Variants in GNG7 observed in about 807,000 individuals in gnomAD.
GNG7 encodes the protein guanine nucleotide-binding protein G(I)/G(S)/G(O) subunit gamma-7.
GNG7 carries 1 observed loss-of-function variant against 4.0 expected under a neutral mutation model. That is an observed-to-expected ratio of 0.25 (90% confidence interval 0.09 to 1.18). GNG7 has a LOEUF of 1.18. GNG7 is among the 50% of genes most tolerant of loss of function. The pLI is 0.50. For missense variants in GNG7, 86 were observed against 91.9 expected (o/e 0.94, Z 0.26); for synonymous variants, 34 against 36.9 (o/e 0.92, Z 0.29).
rs1972677540 is a variant in GNG7 at position 2,513,022 on chromosome 19, C to T, written c.*2000G>A. The T allele has an allele frequency of 2.0e-6, 2 of 985,360 alleles. No individual in the cohort carries two copies. The highest frequency in any genetic ancestry group is 1.1e-4 in the East Asian group (1 of 8,820). 61.0% of individuals were successfully genotyped at this position (985,360 alleles called of 1,614,324 possible). ...TTGGCGGGTAGGGCTCCCCGAAGCC[C>T]CAGCCCTCCCGGACCTGCCGTAGAG... is the stretch of plus-strand genomic sequence containing the variant. On this transcript the variant is annotated 3_prime_UTR_variant, in exon 5 of 5. Coordinates refer to ENST00000382159, the MANE Select transcript of GNG7 (RefSeq NM_052847.3).
chr19:2,662,359 G>C (rs1390310489), intron 1 of GNG7, among the ~76,000 whole-genome samples: 5 of 151,596 alleles, frequency 3.3e-5, no homozygotes, highest in Non-Finnish European at 5.9e-5. Flanking sequence ...ATTCGATTCA[G>C]TTCAATTCAA....
At chr19:2,620,690 A>G (rs962835719) in intron 2 of GNG7, among the ~76,000 whole-genome samples, 2 of 152,124 alleles carry the variant, frequency 1.3e-5, no homozygotes, top group African/African-American at 4.8e-5. Context: ...TGGGTCGGCC[A>G]GTTAGCTGGG....
chr19:2,559,114 C>T (rs910402619), intron 2 of GNG7, among the ~76,000 whole-genome samples: 2 of 150,272 alleles, frequency 1.3e-5, no homozygotes, highest in African/African-American at 4.9e-5. Flanking sequence ...ATATTCCTTT[C>T]ATAGTCACAA....
chr19:2,534,340 T>A (rs1220128696), intron 3 of GNG7, among the ~76,000 whole-genome samples: 1 of 152,202 alleles, frequency 6.6e-6, no homozygotes, highest in Non-Finnish European at 1.5e-5. Flanking sequence ...TCCTAACAGC[T>A]AGAGTGCGCT....
rs550075368 is a variant in GNG7 at position 2,546,704 on chromosome 19, G to A, written c.-38+8445C>T. On this transcript the variant is annotated intron_variant, in intron 3 of 4. Transcript: ENST00000382159. This position sits in a 1 kb window ranked among gnomAD's most constrained non-coding sequence, Gnocchi z 6.3. Reference sequence around the variant, plus strand: ...CTTGTTCAGACAAAGAGGCCGCGACGACAGAGGGTGACGCGCCGCCAGTGT... The same window carrying A: ...CTTGTTCAGACAAAGAGGCCGCGACAACAGAGGGTGACGCGCCGCCAGTGT... Among the ~76,000 whole-genome samples the A allele has an allele frequency of 5.3e-4, 81 of 152,316 alleles. No individual in the cohort carries two copies. Among genetic ancestry groups the A allele is most frequent in the South Asian group, 1.0e-3 (5 of 4,826 alleles).
chr19:2,659,160 GA>G lies in GNG7; in HGVS notation c.-134-12881del, dbSNP rs536314960. 7.4e-3 allele frequency among the ~76,000 whole-genome samples: 1,126 copies of G among 151,968 alleles called. 9 individuals are homozygous for G. The highest frequency in any genetic ancestry group is 0.011 in the Non-Finnish European group (751 of 67,928). ...AATTTTTTGTATTTTTAGTAGAGAC[GA>G]GGTTTCACCGGGTTAGCCAGGATGG... On this transcript the variant is annotated intron_variant, in intron 1 of 4. Transcript: ENST00000382159.
chr19:2,545,546 G>A (rs1394513114), intron 3 of GNG7, among the ~76,000 whole-genome samples: 1 of 151,438 alleles, frequency 6.6e-6, no homozygotes, highest in Non-Finnish European at 1.5e-5. Context: ...AGCTACTCAG[G>A]AGGCTGAGGC....
At chr19:2,541,349 C>T (rs951031140) in intron 3 of GNG7, among the ~76,000 whole-genome samples, 2 of 151,962 alleles carry the variant, frequency 1.3e-5, no homozygotes, top group African/African-American at 4.8e-5. Flanking sequence ...GAAGCGAAGC[C>T]GAATTTCAGG....
chr19:2,592,942 G>A (rs1980893807), intron 2 of GNG7, among the ~76,000 whole-genome samples: 1 of 139,328 alleles, frequency 7.2e-6, no homozygotes, highest in South Asian at 2.4e-4. Context: ...AAGGAAGGAA[G>A]GAAGGACGGA....
At position 2,668,643 on chromosome 19, in the gene GNG7, G is replaced by A. The variant is rs553372745; in HGVS notation, c.-134-22363C>T. Among the ~76,000 whole-genome samples, 300 of 152,324 alleles carry A rather than the reference G, an allele frequency of 2.0e-3. 2 individuals are homozygous for A. Among genetic ancestry groups the A allele is most frequent in the African/African-American group, 6.6e-3 (275 of 41,562 alleles). On this transcript the variant is annotated intron_variant, in intron 1 of 4. Transcript: ENST00000382159. ...ATGAATGCCTGCTAAGGGTGCAGCC[G>A]CTCCTGGGCTGGAGGAGGGCTGCAG...
intron 4 of GNG7, among the ~76,000 whole-genome samples, chr19:2,515,818 G>A (rs1972727704): frequency 6.6e-6 from 1 of 152,080 alleles, no homozygotes; most frequent in Non-Finnish European, 1.5e-5. Flanking sequence ...AGTGATGGCT[G>A]ATGGGGGACA....
intron 2 of GNG7, among the ~76,000 whole-genome samples, chr19:2,628,733 T>C (rs1237708271): frequency 6.6e-6 from 1 of 150,746 alleles, no homozygotes; most frequent in East Asian, 1.9e-4. Flanking sequence ...CTCTCTGAAT[T>C]TGACACCTCG....
At position 2,514,992 on chromosome 19, in the gene GNG7, G is replaced by C. The variant is rs1427137972; in HGVS notation, c.*30C>G. 2.6e-6 allele frequency: 4 copies of C among 1,567,252 alleles called. No homozygotes were observed. The Admixed American group carries it at 6.7e-5, about 26-fold the overall frequency. ...ACAGAGAGAGAGAGAGAGAAAGAGA[G>C]AGAGAGAGAGAGAACATATGAGAAC... On this transcript the variant is annotated 3_prime_UTR_variant, in exon 5 of 5. Coordinates refer to ENST00000382159, the MANE Select transcript of GNG7 (RefSeq NM_052847.3).
rs954080872 is a variant in GNG7 at position 2,597,236 on chromosome 19, G to C, written c.-77-42048C>G. On this transcript the variant is annotated intron_variant, in intron 2 of 4. Transcript: ENST00000382159. ...GCTGAGATGGCGTTACTGCACTCCAGCTTGAGTGACAGAGAAAGAAGATCC... is the reference window on the plus strand; with the variant it reads ...GCTGAGATGGCGTTACTGCACTCCACCTTGAGTGACAGAGAAAGAAGATCC... Among the ~76,000 whole-genome samples the C allele has an allele frequency of 3.3e-5, 5 of 152,250 alleles. No homozygotes were observed. In the East Asian group the frequency reaches 7.7e-4, roughly 24 times the overall value.
intron 2 of GNG7, among the ~76,000 whole-genome samples, chr19:2,616,560 T>C (rs1981729868): frequency 6.6e-6 from 1 of 152,074 alleles, no homozygotes; most frequent in African/African-American, 2.4e-5. Context: ...GCGGATCACC[T>C]CAGGTCAGGA....
At chr19:2,639,244 A>T (rs899925706) in intron 2 of GNG7, among the ~76,000 whole-genome samples, 3 of 151,944 alleles carry the variant, frequency 2.0e-5, no homozygotes, top group Admixed American at 1.3e-4. Context: ...AAAAAAAAAA[A>T]ATTCCTCTTT....
chr19:2,700,647 G>A (rs1913379311), intron 1 of GNG7: 1 of 152,172 alleles, frequency 6.6e-6, no homozygotes, highest in African/African-American at 2.4e-5. Flanking sequence ...CTATATGCTA[G>A]GAAATAGTCC....
chr19:2,579,507 C>T (rs1980440656), intron 2 of GNG7, among the ~76,000 whole-genome samples: 2 of 152,244 alleles, frequency 1.3e-5, no homozygotes, highest in Non-Finnish European at 2.9e-5. Context: ...CGGCACACAG[C>T]CCTGGAGGCT....
intron 1 of GNG7, among the ~76,000 whole-genome samples, chr19:2,649,848 C>T (rs1982763520): frequency 6.6e-6 from 1 of 152,128 alleles, no homozygotes; most frequent in Non-Finnish European, 1.5e-5. Flanking sequence ...TACAAAGAAG[C>T]CCCCTCGCCA....
Sources: gnomAD v4.1 joint callset for allele counts (sites outside exome capture counted in the v4.1 genomes callset) on GRCh38, gnomAD v4.1.1 for gene constraint, Gnocchi (gnomAD v3.1) non-coding constraint, MANE v1.5 for transcripts, NCBI Gene and HGNC (gene_info 2026-07-23, HGNC 2026-07-21) for gene names.